Variants in SND1 observed in about 807,000 individuals in gnomAD.
SND1 encodes staphylococcal nuclease and tudor domain containing 1.
Under a neutral mutation model 121.7 loss-of-function variants are expected in SND1, and 38 were observed. The observed-to-expected ratio is 0.31, with a 90% CI of 0.24 to 0.41. SND1 has a LOEUF of 0.41. SND1 is among the 10% of genes least tolerant of loss of function. The pLI is 1.00. For missense variants in SND1, 868 were observed against 1,184.6 expected (o/e 0.73, Z 3.92); for synonymous variants, 401 against 447.4 (o/e 0.90, Z 1.31).
At chr7:128,080,645 G>A (rs556396803) in intron 17 of SND1, among the ~76,000 whole-genome samples, 11 of 152,254 alleles carry the variant, frequency 7.2e-5, no homozygotes, top group Admixed American at 2.6e-4. Flanking sequence ...AGAGAGGTGC[G>A]GGTGTGAGGA....
intron 10 of SND1, among the ~76,000 whole-genome samples, chr7:127,755,891 C>T (rs1028502749): frequency 7.9e-5 from 12 of 152,142 alleles, no homozygotes; most frequent in African/African-American, 2.2e-4. Context: ...GAGTATTATA[C>T]GCAAATACAA....
At chr7:127,966,134 G>A (rs1478590268) in intron 15 of SND1, among the ~76,000 whole-genome samples, 2 of 149,624 alleles carry the variant, frequency 1.3e-5, no homozygotes, top group Non-Finnish European at 3.0e-5. Flanking sequence ...GTGTCTATTT[G>A]ATTCTTCTCT....
intron 10 of SND1, among the ~76,000 whole-genome samples, chr7:127,795,644 G>A (rs1798003773): frequency 6.6e-6 from 1 of 152,122 alleles, no homozygotes; most frequent in African/African-American, 2.4e-5. Context: ...ACTTGTAGGT[G>A]TAGAGAGAAT....
At chr7:127,836,077 A>C (rs1798862027) in intron 11 of SND1, among the ~76,000 whole-genome samples, 1 of 152,190 alleles carries the variant, frequency 6.6e-6, no homozygotes, top group African/African-American at 2.4e-5. Flanking sequence ...ATGTCCACTT[A>C]AATGAATGCA....
intron 12 of SND1, among the ~76,000 whole-genome samples, chr7:127,862,376 C>T (rs771962243): frequency 7.2e-5 from 11 of 152,108 alleles, no homozygotes; most frequent in Non-Finnish European, 1.5e-4. Context: ...ATCCGGTGCC[C>T]GGTGATCTTA....
At chr7:127,825,596 G>A (rs545232193) in intron 11 of SND1, among the ~76,000 whole-genome samples, 8 of 151,340 alleles carry the variant, frequency 5.3e-5, no homozygotes, top group African/African-American at 1.5e-4. Flanking sequence ...TAGTAGAGAC[G>A]GGATTTCGCC....
Position 128,029,427 on chromosome 7 carries a change from T to C in SND1, c.1779+38371T>C, listed in dbSNP as rs1227845978. ...GTGGGAAAAGTTCAAGGTGCCGTCGTTGAGGACAGAGATCCTTGGGTGGCG... is the reference window on the plus strand; with the variant it reads ...GTGGGAAAAGTTCAAGGTGCCGTCGCTGAGGACAGAGATCCTTGGGTGGCG... On this transcript the variant is annotated intron_variant, in intron 16 of 23. Transcript: ENST00000354725. This position sits in a 1 kb window ranked among gnomAD's most constrained non-coding sequence, Gnocchi z 4.2. 1.9e-6 allele frequency: 3 copies of C among 1,614,184 alleles called. No homozygotes were observed. The highest frequency in any genetic ancestry group is 2.2e-5 in the East Asian group (1 of 44,884).
intron 15 of SND1, among the ~76,000 whole-genome samples, chr7:127,965,047 C>G: frequency 1.6e-5 from 1 of 62,966 alleles, no homozygotes; most frequent in Non-Finnish European, 2.9e-5. Context: ...CATGATTTGG[C>G]TCTCTGTTTG....
intron 15 of SND1, among the ~76,000 whole-genome samples, chr7:127,961,213 A>G (rs1047229596): frequency 6.6e-6 from 1 of 152,248 alleles, no homozygotes; most frequent in Non-Finnish European, 1.5e-5. Context: ...CCTGCTTCAC[A>G]AAATTAAAAC....
intron 2 of SND1, among the ~76,000 whole-genome samples, chr7:127,691,733 T>G (rs1045032618): frequency 1.7e-4 from 26 of 151,406 alleles, no homozygotes; most frequent in Admixed American, 3.9e-4. Flanking sequence ...CTGTCTCAGC[T>G]TCCCAAGTAG....
intron 14 of SND1, among the ~76,000 whole-genome samples, chr7:127,911,324 CT>C (rs1800449098): frequency 1.3e-5 from 2 of 152,170 alleles, no homozygotes; most frequent in South Asian, 4.1e-4. Context: ...TTGGAAAAAA[CT>C]TCAAACTCTT....
At chr7:127,980,907 A>G (rs747181260) in intron 15 of SND1, among the ~76,000 whole-genome samples, 1 of 149,350 alleles carries the variant, frequency 6.7e-6, no homozygotes, top group Non-Finnish European at 1.5e-5. Flanking sequence ...CTCTTTATCA[A>G]TTAACATGGA....
intron 10 of SND1, among the ~76,000 whole-genome samples, chr7:127,766,524 C>T (rs534024757): frequency 7.9e-5 from 12 of 151,998 alleles, no homozygotes; most frequent in Non-Finnish European, 1.5e-4. Flanking sequence ...GCCTTTAATC[C>T]CAGCACTTTG....
At chr7:127,998,669 A>G (rs17733783) in intron 16 of SND1, 10,186 of 152,364 alleles carry the variant, frequency 0.067, 430 homozygotes, top group Middle Eastern at 0.19. Flanking sequence ...CAGAAAGCCT[A>G]GAGAGAAGAG....
intron 15 of SND1, among the ~76,000 whole-genome samples, chr7:127,937,397 C>T (rs1018265014): frequency 2.1e-4 from 32 of 152,102 alleles, no homozygotes; most frequent in East Asian, 3.9e-4. Flanking sequence ...TTTTCCTGCC[C>T]TTTAGCATTT....
intron 14 of SND1, among the ~76,000 whole-genome samples, chr7:127,926,042 G>A (rs548657510): frequency 6.6e-6 from 1 of 151,562 alleles, no homozygotes; most frequent in South Asian, 2.1e-4. Context: ...ACTGAATTCT[G>A]TCAATTTTAT....
In SND1 at chr7:128,047,671, T is replaced by A. The variant is rs117202035; in HGVS notation, c.1780-26831T>A. Among the ~76,000 whole-genome samples, 1,283 of 152,318 alleles carry A rather than the reference T, an allele frequency of 8.4e-3. 11 individuals are homozygous for A. Among genetic ancestry groups the A allele is most frequent in the Non-Finnish European group, 0.015 (1,010 of 68,028 alleles). On this transcript the variant is annotated intron_variant, in intron 16 of 23. Transcript: ENST00000354725. ...CGGCAAACTAAGACATAATCAGAGT[T>A]GAGAGATCTTTGAAAAGGGTATAAC...
At chr7:127,723,695 A>G (rs949392890) in intron 10 of SND1, among the ~76,000 whole-genome samples, 1 of 152,208 alleles carries the variant, frequency 6.6e-6, no homozygotes, top group Admixed American at 6.5e-5. Context: ...AAGGATGAGA[A>G]GTGAGTCAAC....
chr7:127,705,740 G>C (rs1041887788), intron 8 of SND1, among the ~76,000 whole-genome samples: 10 of 152,260 alleles, frequency 6.6e-5, no homozygotes, highest in African/African-American at 2.4e-4. Context: ...TCACCACCTT[G>C]CATGACACAT....
Sources: allele counts gnomAD v4.1 joint callset (sites outside exome capture counted in the v4.1 genomes callset), GRCh38; gene constraint gnomAD v4.1.1; non-coding constraint Gnocchi (gnomAD v3.1); transcripts MANE v1.5; gene names NCBI Gene and HGNC (gene_info 2026-07-23, HGNC 2026-07-21).